SCRG1: variants seen among roughly 807,000 people sequenced by gnomAD.
SCRG1 encodes the protein scrapie-responsive protein 1.
SCRG1 carries 3 observed loss-of-function variants against 7.7 expected under a neutral mutation model. The ratio of observed to expected loss-of-function variants is 0.39; its 90% CI spans 0.18 to 1.01. SCRG1 has a LOEUF of 1.01. Ranked by LOEUF, SCRG1 falls within the 50% of genes least tolerant of loss-of-function variation. The pLI is 0.36. For synonymous variants in SCRG1, 46 were observed against 41.2 expected, an observed-to-expected ratio of 1.12 and a Z score of -0.44; for missense variants, 110 against 117.2, an observed-to-expected ratio of 0.94 and a Z score of 0.28.
At chr4:173,512,465 C>G in the SCRG1 span, among the ~76,000 whole-genome samples, 3 of 152,346 alleles carry the variant, frequency 2.0e-5, no homozygotes, top group East Asian at 5.8e-4. Flanking sequence ...GGATACTTAG[C>G]AACCCTCTCC....
At chr4:173,428,160 G>C in the SCRG1 span, among the ~76,000 whole-genome samples, 29 of 152,098 alleles carry the variant, frequency 1.9e-4, no homozygotes, top group African/African-American at 7.0e-4. Context: ...ACTGATTTTG[G>C]GTTAACACTC....
the SCRG1 span, among the ~76,000 whole-genome samples, chr4:173,505,965 GAACC>G: frequency 6.6e-6 from 1 of 152,162 alleles, no homozygotes; most frequent in Non-Finnish European, 1.5e-5. The surrounding 1 kb of genome is among the most constrained non-coding windows in gnomAD (Gnocchi z 4.4). Context: ...TGGAAGTTAG[GAACC>G]AAGTTAATCC....
At chr4:173,417,131 G>GAGACACACACAGACAGAC in the SCRG1 span, among the ~76,000 whole-genome samples, 5 of 150,862 alleles carry the variant, frequency 3.3e-5, no homozygotes, top group Admixed American at 2.0e-4. Context: ...CACAGACAGA[G>GAGACACACACAGACAGAC]AGACACACAC....
the SCRG1 span, among the ~76,000 whole-genome samples, chr4:173,487,456 G>A: frequency 2.6e-5 from 4 of 152,140 alleles, no homozygotes; most frequent in Non-Finnish European, 5.9e-5. Context: ...GAAAATCTCA[G>A]AAGACATGAT....
At chr4:173,389,065 C>T (rs1410789758) in intron 2 of SCRG1, among the ~76,000 whole-genome samples, 2 of 150,086 alleles carry the variant, frequency 1.3e-5, no homozygotes, top group African/African-American at 4.9e-5. Flanking sequence ...TCAAGTCATA[C>T]AAAAAAAAAG....
At chr4:173,470,521 A>G in the SCRG1 span, among the ~76,000 whole-genome samples, 1 of 152,240 alleles carries the variant, frequency 6.6e-6, no homozygotes, top group Admixed American at 6.5e-5. Flanking sequence ...TCAAATAACG[A>G]AGACCCAAAT....
At chr4:173,443,942 T>TG in the SCRG1 span, among the ~76,000 whole-genome samples, 2 of 123,112 alleles carry the variant, frequency 1.6e-5, no homozygotes, top group South Asian at 3.1e-4. Context: ...AAGAGCTTGT[T>TG]TTGTGTGTGT....
At chr4:173,478,495 A>G in the SCRG1 span, among the ~76,000 whole-genome samples, 1 of 152,162 alleles carries the variant, frequency 6.6e-6, no homozygotes, top group South Asian at 2.1e-4. Context: ...TCATCTGCCT[A>G]TAAGACTTCT....
At chr4:173,429,750 A>C in the SCRG1 span, among the ~76,000 whole-genome samples, 1 of 152,220 alleles carries the variant, frequency 6.6e-6, no homozygotes, top group African/African-American at 2.4e-5. Context: ...TCTATAAGGA[A>C]TCAAACGTGG....
the SCRG1 span, among the ~76,000 whole-genome samples, chr4:173,483,199 T>TAA: frequency 5.4e-5 from 4 of 73,886 alleles, 1 homozygote; most frequent in Non-Finnish European, 8.4e-5. Flanking sequence ...ATGATATATA[T>TAA]TATATGATAT....
the SCRG1 span, among the ~76,000 whole-genome samples, chr4:173,516,788 G>T: frequency 9.9e-5 from 15 of 152,184 alleles, no homozygotes; most frequent in Non-Finnish European, 1.2e-4. Context: ...ACGCAGAGGC[G>T]CACCGGGTTC....
At chr4:173,476,360 A>ATGT in the SCRG1 span, among the ~76,000 whole-genome samples, 1 of 102,406 alleles carries the variant, frequency 9.8e-6, no homozygotes. Flanking sequence ...GGGGGAAAAA[A>ATGT]AAAATATATA....
the SCRG1 span, among the ~76,000 whole-genome samples, chr4:173,412,689 C>T: frequency 6.6e-6 from 1 of 152,224 alleles, no homozygotes; most frequent in East Asian, 1.9e-4. Flanking sequence ...CGTCCCACTG[C>T]TTCCCATCTT....
At chr4:173,396,750 A>AGTGTGTGTC (rs1739617959) in intron 1 of SCRG1, among the ~76,000 whole-genome samples, 1 of 12,760 alleles carries the variant, frequency 7.8e-5, no homozygotes, top group Non-Finnish European at 2.1e-4. Flanking sequence ...GTGTGTGTGT[A>AGTGTGTGTC]TGCATTATAA....
the SCRG1 span, among the ~76,000 whole-genome samples, chr4:173,480,801 A>G: frequency 6.6e-6 from 1 of 152,080 alleles, no homozygotes; most frequent in Non-Finnish European, 1.5e-5. Context: ...CTGGAGGGTG[A>G]TTGATTTTAA....
the SCRG1 span, among the ~76,000 whole-genome samples, chr4:173,483,913 T>C: frequency 1.3e-5 from 1 of 75,606 alleles, no homozygotes; most frequent in African/African-American, 5.6e-5. Context: ...TTTCATATAA[T>C]ATATGTTATA....
the SCRG1 span, among the ~76,000 whole-genome samples, chr4:173,451,643 TTTATTTATTTA>T: frequency 2.3e-5 from 2 of 86,146 alleles, no homozygotes; most frequent in Non-Finnish European, 4.8e-5. Context: ...ATTTTATTTA[TTTATTTATTTA>T]TTTATTTATT....
Position 173,391,366 on chromosome 4 carries a change from C to G in SCRG1, c.49G>C (p.Gly17Arg), listed in dbSNP as rs781031056. ...VFTIGLTLLL[G>R]VQAMPANRLS... ...CGATTTGCAGGCATGGCTTGAACTC[C>G]TAGCAGCAAAGTTAGCCCAATGGTG... is the stretch of plus-strand genomic sequence containing the variant. The change falls in exon 2 of 3, where the codon GGA (glycine) becomes CGA (arginine). Residue 17 changes from glycine to arginine, a missense_variant. Transcript: ENST00000296506. The G allele has an allele frequency of 6.2e-7, 1 of 1,614,192 alleles. No homozygotes were observed. The highest frequency in any genetic ancestry group is 8.5e-7 in the Non-Finnish European group (1 of 1,180,028).
At chr4:173,444,010 G>A in the SCRG1 span, among the ~76,000 whole-genome samples, 2 of 147,514 alleles carry the variant, frequency 1.4e-5, no homozygotes, top group Admixed American at 6.9e-5. Flanking sequence ...TTTTACTCTC[G>A]TCACCCAGGC....
Sources: allele counts gnomAD v4.1 joint callset (sites outside exome capture counted in the v4.1 genomes callset), GRCh38; gene constraint gnomAD v4.1.1; non-coding constraint Gnocchi (gnomAD v3.1); transcripts MANE v1.5; gene names NCBI Gene and HGNC (gene_info 2026-07-23, HGNC 2026-07-21).